The following SLC26A1 variants were observed in gnomAD, a reference collection of about 807,000 sequenced individuals.
SLC26A1 encodes sulfate anion transporter 1.
In SLC26A1, 18 loss-of-function variants were observed where a neutral mutation model predicts 14.5. The observed-to-expected ratio is 1.24, with a 90% CI of 0.86 to 1.84. The LOEUF is 1.84. Ranked by LOEUF, SLC26A1 falls within the 40% of genes most tolerant of loss-of-function variation. The probability of loss-of-function intolerance (pLI) is 0.00; values close to 1 mark genes in which losing one functional copy is unlikely to be tolerated. For missense variants in SLC26A1, 1,049 were observed against 1,020.0 expected, an observed-to-expected ratio of 1.03 and a Z score of -0.39; for synonymous variants, 505 against 492.0, an observed-to-expected ratio of 1.03 and a Z score of -0.35.
rs190530875 is a variant in SLC26A1, at chr4:979,642, G to A, written c.577-138C>T. On this transcript the variant is annotated intron_variant, in intron 2 of 2. Transcript: ENST00000398520. ...GCCCAGCAAGAGAGGAAGCGGAGGCGGGGTGGGAGCCCTTGTGGTTAAGGA... is the reference window on the plus strand; with the variant it reads ...GCCCAGCAAGAGAGGAAGCGGAGGCAGGGTGGGAGCCCTTGTGGTTAAGGA... The A allele has an allele frequency of 2.1e-4, 225 of 1,093,178 alleles. 3 individuals carry two copies. The Admixed American group carries it at 4.7e-3, about 23-fold the overall frequency. The allele number at this position is 1,093,178 out of a possible 1,614,324, so 67.7% of individuals were successfully genotyped here.
chr4:982,937 G>A (rs753034214), downstream of SLC26A1, among the ~76,000 whole-genome samples: 3 of 152,300 alleles, frequency 2.0e-5, no homozygotes, highest in East Asian at 1.9e-4. Flanking sequence ...GGGCCCACTC[G>A]GATAACTAGA....
chr4:986,988 G>C (rs960507483), downstream of SLC26A1: 2 of 623,616 alleles, frequency 3.2e-6, no homozygotes, highest in Non-Finnish European at 5.0e-6. Flanking sequence ...GCCCCGCCCC[G>C]CGGCGGCGGT....
intron 2 of SLC26A1, among the ~76,000 whole-genome samples, chr4:980,502 C>T (rs1713505948): frequency 6.6e-6 from 1 of 151,138 alleles, no homozygotes; most frequent in Admixed American, 6.6e-5. Flanking sequence ...AGGAGAATCG[C>T]TTGAACCCGG....
Position 989,420 on chromosome 4 carries a change from G to A in SLC26A1, c.1519C>T (p.Arg507Cys), listed in dbSNP as rs368806302. 66 of 1,556,458 alleles carry A rather than the reference G, an allele frequency of 4.2e-5. No homozygotes were observed. The highest frequency in any genetic ancestry group is 1.1e-4 in the South Asian group (9 of 84,878). Residue 507 changes from arginine to cysteine, a missense_variant, in exon 3 of 3, where the codon CGC (arginine) becomes TGC (cysteine). Transcript: ENST00000398516. ...SLLSLAGRTQ[R>C]PRTALLARIG... ...CGGGCCAGCAGGGCGGTGCGTGGGC[G>A]TTGGGTGCGGCCGGCCAGGCTGAGC...
At chr4:985,812 CT>C (rs1451475228), downstream of SLC26A1, among the ~76,000 whole-genome samples, 2 of 152,176 alleles carry the variant, frequency 1.3e-5, no homozygotes, top group Non-Finnish European at 2.9e-5. Context: ...ATTTTAACCC[CT>C]CTCCCCAAAA....
chr4:991,162 G>C lies in SLC26A1; in HGVS notation c.542C>G (p.Ala181Gly). The C allele has an allele frequency of 6.4e-7, 1 of 1,561,348 alleles. No homozygotes were observed. The highest frequency in any genetic ancestry group is 8.7e-7 in the Non-Finnish European group (1 of 1,150,102). The change falls in exon 2 of 3, where the codon GCC (alanine) becomes GGC (glycine). Residue 181 changes from alanine to glycine, a missense_variant. Coordinates refer to ENST00000398516, the MANE Select transcript of SLC26A1 (RefSeq NM_022042.4). ...CGRDCYAIRV[A>G]TALTLMTGLY... Reference sequence around the variant, plus strand: ...CCCGGTCATCAGCGTGAGGGCGGTGGCGACACGGATGGCGTAGCAGTCACG... The same window carrying C: ...CCCGGTCATCAGCGTGAGGGCGGTGCCGACACGGATGGCGTAGCAGTCACG...
At position 988,277 on chromosome 4, in the gene SLC26A1, G is replaced by A; in HGVS notation, c.*556C>T. 8.4e-7 allele frequency: 1 copy of A among 1,193,360 alleles called. No individual in the cohort carries two copies. 73.9% of individuals were successfully genotyped at this position (1,193,360 alleles called of 1,614,324 possible). Reference sequence around the variant, plus strand: ...GGCCACTGCACCTGAGGGCTGAGCTGAGGTCTCATCGGTCACAGCACCCTG... The same window carrying A: ...GGCCACTGCACCTGAGGGCTGAGCTAAGGTCTCATCGGTCACAGCACCCTG... On this transcript the variant is annotated 3_prime_UTR_variant, in exon 3 of 3. Coordinates refer to ENST00000398516, the MANE Select transcript of SLC26A1 (RefSeq NM_022042.4).
At chr4:979,502 C>T in exon 3 of SLC26A1, 2 of 1,613,520 alleles carry the variant, frequency 1.2e-6, no homozygotes, top group Non-Finnish European at 1.7e-6. Context: ...TACCCCAGGA[C>T]GTCTGGAAGG....
downstream of SLC26A1, chr4:987,566 C>G: frequency 7.6e-7 from 1 of 1,322,654 alleles, no homozygotes; most frequent in Non-Finnish European, 1.0e-6. Flanking sequence ...GCTGAGGTAC[C>G]CGCCTTCCTG....
rs954135197 is a variant in SLC26A1, at chr4:989,405, G to A, written c.1534C>T (p.Leu512=). ...AGRTQRPRTA[L]LARIGDTAFY... The stretch of plus-strand genomic sequence containing the variant: ...GCCGTGTCCCCGATGCGGGCCAGCA[G>A]GGCGGTGCGTGGGCGTTGGGTGCGG... Residue 512 remains leucine (L), a synonymous_variant, in exon 3 of 3, where the codon CTG becomes TTG. Coordinates refer to ENST00000398516, the MANE Select transcript of SLC26A1 (RefSeq NM_022042.4). 27 of 1,562,304 alleles carry A rather than the reference G, an allele frequency of 1.7e-5. No homozygotes were observed. The highest frequency in any genetic ancestry group is 2.3e-5 in the Non-Finnish European group (26 of 1,153,864).
chr4:981,105 G>A (rs574337135), intron 2 of SLC26A1, among the ~76,000 whole-genome samples: 26 of 152,306 alleles, frequency 1.7e-4, no homozygotes, highest in Admixed American at 1.2e-3. Flanking sequence ...CTCAGGGCCC[G>A]TTTCAGCCAC....
At chr4:984,234 CTAAG>C (rs1009450806), downstream of SLC26A1, among the ~76,000 whole-genome samples, 5 of 152,172 alleles carry the variant, frequency 3.3e-5, no homozygotes, top group African/African-American at 1.2e-4. Context: ...TAAATTTTTA[CTAAG>C]TTTCATGAGG....
Position 990,208 on chromosome 4 carries a change from A to T in SLC26A1, c.731T>A (p.Met244Lys). ...VRIPRHQGPG[M>K]VVLTWLSLLR... ...CAGGCTCAGCCATGTGAGGACCACC[A>T]TGCCGGGCCCCTGGTGCCGCGGGAT... Residue 244 changes from methionine (M) to lysine (K), a missense_variant, in exon 3 of 3, where the codon ATG (methionine) becomes AAG (lysine). Transcript: ENST00000398516. The T allele has an allele frequency of 1.9e-6, 3 of 1,563,304 alleles. No individual in the cohort carries two copies. The highest frequency in any genetic ancestry group is 2.6e-6 in the Non-Finnish European group (3 of 1,154,552).
chr4:983,495 A>G (rs1012964966), downstream of SLC26A1, among the ~76,000 whole-genome samples: 1 of 152,244 alleles, frequency 6.6e-6, no homozygotes, highest in African/African-American at 2.4e-5. Flanking sequence ...AGAGCTGCAG[A>G]GAGAGGCCTC....
At chr4:984,691 C>T (rs1431150122), downstream of SLC26A1, among the ~76,000 whole-genome samples, 1 of 152,094 alleles carries the variant, frequency 6.6e-6, no homozygotes, top group Non-Finnish European at 1.5e-5. Flanking sequence ...ATTGGCTGGG[C>T]GTGGTGGCTC....
downstream of SLC26A1, among the ~76,000 whole-genome samples, chr4:986,043 T>C (rs548362478): frequency 5.9e-5 from 9 of 152,196 alleles, no homozygotes; most frequent in South Asian, 1.7e-3. Context: ...CTCAATTTCG[T>C]GGGTAGCTGG....
rs1164266864 is a variant in SLC26A1, at chr4:989,718, G to C, written c.1221C>G (p.Ala407=). 1 of 1,558,714 alleles carries C rather than the reference G, an allele frequency of 6.4e-7. No homozygotes were observed. Among genetic ancestry groups the C allele is most frequent in the East Asian group, 2.4e-5 (1 of 41,814 alleles). ...AALAKSLVKT[A]TGCRTQLSSV... ...TGGACAGCTGTGTCCGGCAGCCAGT[G>C]GCTGTCTTCACCAGGCTCTTGGCCA... is the stretch of plus-strand genomic sequence containing the variant. Residue 407 remains alanine (A), a synonymous_variant, in exon 3 of 3, where the codon GCC becomes GCG. Coordinates refer to ENST00000398516, the MANE Select transcript of SLC26A1 (RefSeq NM_022042.4).
chr4:987,051 C>A, downstream of SLC26A1: 2 of 1,517,306 alleles, frequency 1.3e-6, no homozygotes, highest in Admixed American at 2.0e-5. Context: ...GGCAGTGCAG[C>A]CCGAAGCCCC....
Position 987,964 on chromosome 4 carries a change from G to A in SLC26A1, c.*869C>T, listed in dbSNP as rs1350564735. The A allele has an allele frequency of 7.1e-6, 11 of 1,557,348 alleles. 1 individual carries two copies. Among genetic ancestry groups the A allele is most frequent in the East Asian group, 2.4e-5 (1 of 41,644 alleles). On this transcript the variant is annotated 3_prime_UTR_variant, in exon 3 of 3. Coordinates refer to ENST00000398516, the MANE Select transcript of SLC26A1 (RefSeq NM_022042.4). Reference sequence around the variant, plus strand: ...GTCACCACCAGGTGGGCGGCGGGCAGGGTCTGGGCGTCCCAGAGCCCCTTA... The same window carrying A: ...GTCACCACCAGGTGGGCGGCGGGCAAGGTCTGGGCGTCCCAGAGCCCCTTA...
Sources: allele counts gnomAD v4.1 joint callset (sites outside exome capture counted in the v4.1 genomes callset), GRCh38; gene constraint gnomAD v4.1.1; transcripts MANE v1.5; gene names NCBI Gene and HGNC (gene_info 2026-07-23, HGNC 2026-07-21).